Variants in UBE3D observed in about 807,000 individuals in gnomAD.
The protein encoded by UBE3D is ubiquitin protein ligase E3D.
UBE3D carries 48 observed loss-of-function variants against 49.6 expected under a neutral mutation model. The ratio of observed to expected loss-of-function variants is 0.97; its 90% CI spans 0.77 to 1.23. The LOEUF (loss-of-function observed/expected upper bound fraction) is 1.23, where lower values mean the gene tolerates loss of function less well. Ranked by LOEUF, UBE3D falls within the 50% of genes most tolerant of loss-of-function variation. The pLI is 0.00. For synonymous variants in UBE3D, 189 were observed against 174.2 expected (o/e 1.08, Z -0.67); for missense variants, 452 against 468.4 (o/e 0.96, Z 0.32).
chr6:82,924,947 C>T (rs1325157574), intron 9 of UBE3D: 1 of 152,166 alleles, frequency 6.6e-6, no homozygotes, highest in Non-Finnish European at 1.5e-5. Context: ...AATGAGCTCA[C>T]TTCTGAGTCA....
chr6:83,031,603 C>T (rs1022192123), intron 5 of UBE3D, among the ~76,000 whole-genome samples: 3 of 152,094 alleles, frequency 2.0e-5, no homozygotes, highest in Admixed American at 2.0e-4. Flanking sequence ...TGGGGCGTTA[C>T]AGTCAAGCCT....
At chr6:82,951,808 A>G (rs1775817429) in intron 9 of UBE3D, among the ~76,000 whole-genome samples, 1 of 152,190 alleles carries the variant, frequency 6.6e-6, no homozygotes, top group Admixed American at 6.5e-5. Flanking sequence ...GGCCCTGACC[A>G]AAAGGACGAC....
chr6:82,896,087 T>C (rs1486686796), intron 9 of UBE3D, among the ~76,000 whole-genome samples: 2 of 152,244 alleles, frequency 1.3e-5, no homozygotes, highest in African/African-American at 2.4e-5. Context: ...ACTGCAATCA[T>C]CCTTGGGAAC....
chr6:83,001,431 T>A (rs2127746043), intron 8 of UBE3D, among the ~76,000 whole-genome samples: 1 of 152,344 alleles, frequency 6.6e-6, no homozygotes, highest in Non-Finnish European at 1.5e-5. Context: ...GTTGTCCAGA[T>A]TCTATGGATT....
intron 9 of UBE3D, among the ~76,000 whole-genome samples, chr6:82,936,811 C>T (rs1206513960): frequency 2.0e-5 from 3 of 152,186 alleles, no homozygotes; most frequent in Non-Finnish European, 4.4e-5. Flanking sequence ...GAAGGGCAAA[C>T]TGGATGATAA....
chr6:83,006,249 A>G (rs1392471400), intron 8 of UBE3D, among the ~76,000 whole-genome samples: 1 of 152,112 alleles, frequency 6.6e-6, no homozygotes, highest in East Asian at 1.9e-4. Context: ...CAAAAAAAAA[A>G]AAGTAGCCAA....
chr6:82,905,519 C>T (rs1772038505), intron 9 of UBE3D, among the ~76,000 whole-genome samples: 1 of 152,108 alleles, frequency 6.6e-6, no homozygotes, highest in South Asian at 2.1e-4. Context: ...TCCCTAACAT[C>T]TCACACAAAA....
At chr6:82,947,141 A>C (rs2127762356) in intron 9 of UBE3D, among the ~76,000 whole-genome samples, 1 of 151,968 alleles carries the variant, frequency 6.6e-6, no homozygotes, top group East Asian at 1.9e-4. Context: ...AAAAAAGAGC[A>C]AAGTAGCTAG....
intron 8 of UBE3D, among the ~76,000 whole-genome samples, chr6:82,967,488 AC>A (rs1255060814): frequency 1.3e-5 from 2 of 151,540 alleles, no homozygotes; most frequent in Non-Finnish European, 2.9e-5. Context: ...TCCACTCCCT[AC>A]CCCCTGGCAA....
intron 8 of UBE3D, among the ~76,000 whole-genome samples, chr6:82,982,617 G>T (rs1328783510): frequency 1.3e-5 from 2 of 152,174 alleles, no homozygotes; most frequent in African/African-American, 4.8e-5. Context: ...GTTGTATCTA[G>T]AAGCTTGATC....
At chr6:83,003,573 G>A (rs1330529488) in intron 8 of UBE3D, among the ~76,000 whole-genome samples, 2 of 152,142 alleles carry the variant, frequency 1.3e-5, no homozygotes, top group African/African-American at 2.4e-5. Flanking sequence ...AGGCAATTTT[G>A]TCTTTGTGTG....
intron 9 of UBE3D, among the ~76,000 whole-genome samples, chr6:82,903,841 C>T (rs1418216602): frequency 6.6e-6 from 1 of 152,080 alleles, no homozygotes; most frequent in Non-Finnish European, 1.5e-5. Context: ...TATAAACGGT[C>T]ATACCACAGA....
chr6:82,952,676 A>T (rs966731394), intron 9 of UBE3D, among the ~76,000 whole-genome samples: 1 of 152,082 alleles, frequency 6.6e-6, no homozygotes, highest in Non-Finnish European at 1.5e-5. Flanking sequence ...CTCCTGCTTC[A>T]GCCCCCAAAG....
At chr6:83,060,890 A>G (rs1784129012) in intron 1 of UBE3D, among the ~76,000 whole-genome samples, 1 of 152,248 alleles carries the variant, frequency 6.6e-6, no homozygotes, top group African/African-American at 2.4e-5. Context: ...AGAATCATGT[A>G]TCCTTACTGA....
At chr6:83,033,689 C>G (rs540579923) in intron 5 of UBE3D, among the ~76,000 whole-genome samples, 1 of 152,162 alleles carries the variant, frequency 6.6e-6, no homozygotes, top group Non-Finnish European at 1.5e-5. Flanking sequence ...TAAGGCCTCC[C>G]CCAAACCAGA....
intron 4 of UBE3D, among the ~76,000 whole-genome samples, chr6:83,044,118 C>T (rs536523003): frequency 6.6e-6 from 1 of 152,308 alleles, no homozygotes; most frequent in African/African-American, 2.4e-5. Flanking sequence ...GGATAAAATG[C>T]ACACAAATTA....
At chr6:83,018,940 A>C in intron 8 of UBE3D, 33 bp downstream of exon 8, 1 of 1,608,072 alleles carries the variant, frequency 6.2e-7, no homozygotes, top group Non-Finnish European at 8.5e-7. Flanking sequence ...GCTAAAACAT[A>C]ATGTGGAAAG....
chr6:83,057,856 G>C lies in UBE3D; in HGVS notation c.244C>G (p.Arg82Gly). 6.2e-7 allele frequency: 1 copy of C among 1,614,106 alleles called. No homozygotes were observed. Among genetic ancestry groups the C allele is most frequent in the Non-Finnish European group, 8.5e-7 (1 of 1,180,010 alleles). ...QFVVGDGLHL[R>G]LQTQAKLGTK... The stretch of plus-strand genomic sequence containing the variant: ...CCTAATTTTGCTTGCGTCTGCAGTC[G>C]CAGGTGCAGTCCATCTCCAACAACA... The change falls in exon 2 of 10, where the codon CGA (arginine) becomes GGA (glycine). Residue 82 changes from arginine to glycine, a missense_variant. By Grantham distance (125) the Arg-to-Gly change is moderately radical. Coordinates refer to ENST00000369747, the MANE Select transcript of UBE3D (RefSeq NM_198920.3).
intron 3 of UBE3D, among the ~76,000 whole-genome samples, chr6:83,049,957 A>G (rs892657504): frequency 6.6e-6 from 1 of 152,240 alleles, no homozygotes; most frequent in African/African-American, 2.4e-5. Context: ...TCTTAACAAG[A>G]GCATAATAAA....
Sources: allele counts gnomAD v4.1 joint callset (sites outside exome capture counted in the v4.1 genomes callset), GRCh38; gene constraint gnomAD v4.1.1; transcripts MANE v1.5; gene names NCBI Gene and HGNC (gene_info 2026-07-23, HGNC 2026-07-21).